The following CD47 variants were observed in gnomAD, a reference collection of about 807,000 sequenced individuals.
The protein encoded by CD47 is CD47 molecule, also known as leukocyte surface antigen CD47.
Under a neutral mutation model 44.6 loss-of-function variants are expected in CD47, and 11 were observed. The ratio of observed to expected loss-of-function variants is 0.25; its 90% CI spans 0.16 to 0.41. The LOEUF (loss-of-function observed/expected upper bound fraction) is 0.41. CD47 is among the 10% of genes least tolerant of loss of function. The pLI is 1.00. For missense variants in CD47, 306 were observed against 386.7 expected (o/e 0.79, Z 1.75); for synonymous variants, 140 against 136.3 (o/e 1.03, Z -0.19).
At chr3:108,090,015 G>A (rs1281309373) in intron 1 of CD47, among the ~76,000 whole-genome samples, 5 of 137,928 alleles carry the variant, frequency 3.6e-5, no homozygotes, top group African/African-American at 1.3e-4. Flanking sequence ...GGGTGGGGGG[G>A]TGGAGGTTCT....
chr3:108,052,150 A>C, intron 7 of CD47, 180 bp from the exon 8 acceptor site: 1 of 442,386 alleles, frequency 2.3e-6, no homozygotes. Context: ...GATTATATAC[A>C]CTGATTTGAA....
intron 2 of CD47, among the ~76,000 whole-genome samples, chr3:108,077,561 A>C (rs1409957179): frequency 6.6e-6 from 1 of 152,160 alleles, no homozygotes; most frequent in Non-Finnish European, 1.5e-5. Context: ...TCCCAGAGAA[A>C]TGAAAACTGT....
chr3:108,050,785 G>A (rs748534265), intron 8 of CD47, 183 bp from the exon 9 acceptor site: 4 of 478,064 alleles, frequency 8.4e-6, no homozygotes, highest in Admixed American at 6.5e-5. Context: ...TTGCCAAGTC[G>A]GGTTAATAGT....
intron 3 of CD47, among the ~76,000 whole-genome samples, chr3:108,061,884 T>C (rs1053788378): frequency 1.3e-5 from 2 of 152,178 alleles, no homozygotes; most frequent in Admixed American, 1.3e-4. Flanking sequence ...TATTTAGCAT[T>C]TAGTTTTTTT....
In CD47 at chr3:108,050,700, A is replaced by C. The variant is rs995562991; in HGVS notation, c.910-98T>G. The stretch of plus-strand genomic sequence containing the variant: ...ATGCTAATATTTAAATTACGTAGTA[A>C]GCAGTAAATCCTACAGTCAAAAAAA... On this transcript the variant is annotated intron_variant, in intron 8 of 10. Transcript: ENST00000361309. 3 of 539,680 alleles carry C rather than the reference A, an allele frequency of 5.6e-6. No individual in the cohort carries two copies. The African/African-American group carries it at 5.9e-5, about 11-fold the overall frequency. The allele number at this position is 539,680 out of a possible 1,614,324, so 33.4% of individuals were successfully genotyped here.
chr3:108,077,313 A>T (rs1478643080), intron 2 of CD47, among the ~76,000 whole-genome samples: 1 of 152,162 alleles, frequency 6.6e-6, no homozygotes, highest in Non-Finnish European at 1.5e-5. Context: ...GCCCCATTTA[A>T]CCTTTTTGTG....
At chr3:108,086,088 C>T (rs539412590) in intron 1 of CD47, among the ~76,000 whole-genome samples, 2 of 152,054 alleles carry the variant, frequency 1.3e-5, no homozygotes, top group African/African-American at 4.8e-5. Flanking sequence ...CGTGTACAGC[C>T]AGATAAAGAA....
intron 7 of CD47, among the ~76,000 whole-genome samples, chr3:108,055,341 C>T (rs917557928): frequency 9.2e-5 from 14 of 152,114 alleles, no homozygotes; most frequent in African/African-American, 2.7e-4. Context: ...AAACAGAACA[C>T]GTGCAATGAG....
intron 3 of CD47, among the ~76,000 whole-genome samples, chr3:108,061,142 A>G (rs1340505999): frequency 6.6e-6 from 1 of 151,262 alleles, no homozygotes; most frequent in African/African-American, 2.4e-5. Context: ...TAATAAATTG[A>G]GCTAGATAAG....
rs1290473903 is a variant in CD47, at chr3:108,078,720, C to T, written c.400+1271G>A. 2.6e-5 allele frequency among the ~76,000 whole-genome samples: 4 copies of T among 152,076 alleles called. No individual in the cohort carries two copies. The East Asian group carries it at 7.7e-4, about 29-fold the overall frequency. On this transcript the variant is annotated intron_variant, in intron 2 of 10. Coordinates refer to ENST00000361309, the MANE Select transcript of CD47 (RefSeq NM_001777.4). ...AGACCTTTCAAATTCTCCTTGCCTA[C>T]TCGGAGCCATCCCTTGCCCATTCCT...
chr3:108,059,349 C>T (rs932025234), intron 5 of CD47, 103 bp downstream of exon 5: 3 of 526,406 alleles, frequency 5.7e-6, no homozygotes, highest in Non-Finnish European at 6.8e-6. Context: ...AATAAACCTA[C>T]TCTTATTGAG....
chr3:108,090,969 C>T lies in CD47; in HGVS notation c.-61G>A. ...AGGTGTCCGGAGCAGCAGCCGCCGC[C>T]GCCGTTACAGGCAGGACCGACCGCC... On this transcript the variant is annotated 5_prime_UTR_variant, in exon 1 of 11. Coordinates refer to ENST00000361309, the MANE Select transcript of CD47 (RefSeq NM_001777.4). The T allele has an allele frequency of 1.5e-6, 2 of 1,293,718 alleles. No homozygotes were observed. The highest frequency in any genetic ancestry group is 2.0e-6 in the Non-Finnish European group (2 of 976,500). The allele number at this position is 1,293,718 out of a possible 1,614,324, so 80.1% of individuals were successfully genotyped here. A position where few individuals can be genotyped will look rare whatever the true frequency, so the allele number is the denominator to read the frequency against.
intron 7 of CD47, among the ~76,000 whole-genome samples, chr3:108,057,141 C>A (rs1269006092): frequency 6.6e-6 from 1 of 152,148 alleles, no homozygotes; most frequent in Non-Finnish European, 1.5e-5. Flanking sequence ...AAAGATCTCT[C>A]CCCTTTTACT....
At position 108,049,505 on chromosome 3, in the gene CD47, T is replaced by C. The variant is rs568948591; in HGVS notation, c.967+114A>G. 1.8e-5 allele frequency: 13 copies of C among 721,984 alleles called. No homozygotes were observed. The African/African-American group carries it at 2.1e-4, about 12-fold the overall frequency. 44.7% of individuals were successfully genotyped at this position (721,984 alleles called of 1,614,324 possible). ...ATACATCAAGAAATGTGAACCTTTA[T>C]CATCTGACAGTGTCCCTTTTACTAA... On this transcript the variant is annotated intron_variant, in intron 10 of 10. Coordinates refer to ENST00000361309, the MANE Select transcript of CD47 (RefSeq NM_001777.4).
chr3:108,090,901 G>C lies in CD47; in HGVS notation c.8C>G (p.Pro3Arg). Reference sequence around the variant, plus strand: ...GCCCAGCAACAGCGCCGCTACCAGGGGCCACATCTCCGCGCCCGCCGCGGG... The same window carrying C: ...GCCCAGCAACAGCGCCGCTACCAGGCGCCACATCTCCGCGCCCGCCGCGGG... MW[P>R]LVAALLLGSA... The change falls in exon 1 of 11, where the codon CCC becomes CGC. Residue 3 changes from proline to arginine, a missense_variant. Pro to Arg is a moderately radical substitution (Grantham distance 103). Transcript: ENST00000361309. The C allele has an allele frequency of 1.3e-6, 2 of 1,481,562 alleles. No individual in the cohort carries two copies. Among genetic ancestry groups the C allele is most frequent in the South Asian group, 1.3e-5 (1 of 79,136 alleles). The allele number at this position is 1,481,562 out of a possible 1,614,324, so 91.8% of individuals were successfully genotyped here.
At chr3:108,068,127 A>G (rs2079135841) in intron 3 of CD47, among the ~76,000 whole-genome samples, 1 of 152,236 alleles carries the variant, frequency 6.6e-6, no homozygotes, top group Non-Finnish European at 1.5e-5. Flanking sequence ...GTTATTATGA[A>G]TGCTTTAGAA....
rs1481283480 is a variant in CD47, at chr3:108,090,941, C to T, written c.-33G>A. On this transcript the variant is annotated 5_prime_UTR_variant, in exon 1 of 11. Coordinates refer to ENST00000361309, the MANE Select transcript of CD47 (RefSeq NM_001777.4). The stretch of plus-strand genomic sequence containing the variant: ...CCCGCCGCGGGGTCGCCGCCGCCGC[C>T]GCAGGTGTCCGGAGCAGCAGCCGCC... The T allele has an allele frequency of 2.1e-6, 3 of 1,442,190 alleles. No individual in the cohort carries two copies. The highest frequency in any genetic ancestry group is 1.5e-5 in the African/African-American group (1 of 67,146). The allele number at this position is 1,442,190 out of a possible 1,614,324, so 89.3% of individuals were successfully genotyped here. A position where few individuals can be genotyped will look rare whatever the true frequency, so the allele number is the denominator to read the frequency against.
In CD47 at chr3:108,058,553, T is replaced by C. The variant is rs191520950; in HGVS notation, c.692-124A>G. 1.2e-3 allele frequency: 697 copies of C among 579,586 alleles called. 3 individuals are homozygous for C. The highest frequency in any genetic ancestry group is 1.6e-3 in the Non-Finnish European group (542 of 336,240). The allele number at this position is 579,586 out of a possible 1,614,324, so 35.9% of individuals were successfully genotyped here. A position where few individuals can be genotyped will look rare whatever the true frequency, so the allele number is the denominator to read the frequency against. ...AAAGACTGACTCTGGAGTTCATTGT[T>C]TGACGGTAGATGTTAACTCAGTGAT... On this transcript the variant is annotated intron_variant, in intron 5 of 10. Transcript: ENST00000361309.
At position 108,090,814 on chromosome 3, in the gene CD47, G is replaced by A. The variant is rs751041776; in HGVS notation, c.46+49C>T. 6.7e-4 allele frequency: 968 copies of A among 1,451,838 alleles called. 12 individuals are homozygous for A. The highest frequency in any genetic ancestry group is 7.2e-4 in the Admixed American group (30 of 41,856). 89.9% of individuals were successfully genotyped at this position (1,451,838 alleles called of 1,614,324 possible). A position where few individuals can be genotyped will look rare whatever the true frequency, so the allele number is the denominator to read the frequency against. Reference sequence around the variant, plus strand: ...GCTGGGGCGCAGCCCACACGCCCGCGGGGGCGAAGCGACAGCAGCCGCAGG... The same window carrying A: ...GCTGGGGCGCAGCCCACACGCCCGCAGGGGCGAAGCGACAGCAGCCGCAGG... On this transcript the variant is annotated intron_variant, in intron 1 of 10. Transcript: ENST00000361309.
Sources: allele counts gnomAD v4.1 joint callset (sites outside exome capture counted in the v4.1 genomes callset), GRCh38; gene constraint gnomAD v4.1.1; transcripts MANE v1.5; gene names NCBI Gene and HGNC (gene_info 2026-07-23, HGNC 2026-07-21).